The following ASIC2 variants were observed in gnomAD, a reference collection of about 807,000 sequenced individuals.
ASIC2 encodes acid sensing ion channel subunit 2.
A neutral mutation model predicts 57.3 loss-of-function variants in ASIC2; 25 were observed. The ratio of observed to expected loss-of-function variants is 0.44; its 90% CI spans 0.32 to 0.61. The LOEUF is 0.61. Among genes scored for constraint, ASIC2 ranks in the 20% least tolerant of loss-of-function variants. The pLI, the probability that ASIC2 is intolerant of heterozygous loss-of-function variation, is 0.06. For missense variants in ASIC2, 641 were observed against 738.1 expected (o/e 0.87, Z 1.52); for synonymous variants, 319 against 307.5 (o/e 1.04, Z -0.39).
At chr17:33,056,539 C>T (rs2091998756) in intron 3 of ASIC2, among the ~76,000 whole-genome samples, 1 of 152,132 alleles carries the variant, frequency 6.6e-6, no homozygotes, top group African/African-American at 2.4e-5. Context: ...CTTTTCCAAG[C>T]TCCTTATACC....
chr17:33,149,413 C>T (rs970289695), intron 1 of ASIC2, among the ~76,000 whole-genome samples: 3 of 152,072 alleles, frequency 2.0e-5, no homozygotes, highest in African/African-American at 7.2e-5. Flanking sequence ...AAACTATGTT[C>T]TTCTGTAGGT....
At chr17:33,833,905 A>C (rs952946873) in intron 1 of ASIC2, 3 of 152,138 alleles carry the variant, frequency 2.0e-5, no homozygotes. Context: ...AAATGATAAT[A>C]AAAAACAATT....
chr17:33,682,364 T>C (rs1908038022), intron 1 of ASIC2, among the ~76,000 whole-genome samples: 1 of 152,038 alleles, frequency 6.6e-6, no homozygotes, highest in Non-Finnish European at 1.5e-5. Context: ...CGTGCCCAGC[T>C]GGCATCTTTC....
intron 1 of ASIC2, among the ~76,000 whole-genome samples, chr17:33,628,560 T>C (rs1484922351): frequency 6.6e-6 from 1 of 152,104 alleles, no homozygotes; most frequent in African/African-American, 2.4e-5. Flanking sequence ...CCTCCCAAGG[T>C]ATGAGGGTTA....
At chr17:33,758,769 G>T (rs1384368917) in intron 1 of ASIC2, among the ~76,000 whole-genome samples, 2 of 152,126 alleles carry the variant, frequency 1.3e-5, no homozygotes, top group Admixed American at 6.5e-5. Flanking sequence ...TCTGCAAAGA[G>T]TTCCCAACAA....
At chr17:34,136,163 A>C (rs1327082837) in intron 1 of ASIC2, among the ~76,000 whole-genome samples, 1 of 152,192 alleles carries the variant, frequency 6.6e-6, no homozygotes, top group Non-Finnish European at 1.5e-5. Flanking sequence ...TCTTTGTAGC[A>C]ATAACATACT....
chr17:33,341,748 GTC>G lies in ASIC2; in HGVS notation c.556-229683_556-229682del. Among the ~76,000 whole-genome samples the G allele has an allele frequency of 2.0e-5, 3 of 152,326 alleles. No individual in the cohort carries two copies. In the South Asian group the frequency reaches 6.2e-4, roughly 32 times the overall value. The stretch of plus-strand genomic sequence containing the variant: ...AGCATATTTTGGACAATACTTGGAT[GTC>G]TCATTCTAAGTTGGGTTGTGGATAC... On this transcript the variant is annotated intron_variant, in intron 1 of 9. Transcript: ENST00000359872.
chr17:33,854,308 G>A (rs1321827314), intron 1 of ASIC2, among the ~76,000 whole-genome samples: 1 of 152,210 alleles, frequency 6.6e-6, no homozygotes. Flanking sequence ...CAGTATGCAT[G>A]GGTATTGGTC....
chr17:33,123,103 A>G (rs1191065011), intron 1 of ASIC2, among the ~76,000 whole-genome samples: 4 of 152,222 alleles, frequency 2.6e-5, no homozygotes, highest in African/African-American at 9.7e-5. Context: ...AAAACCAAAA[A>G]TAGAATTACC....
intron 1 of ASIC2, among the ~76,000 whole-genome samples, chr17:33,528,573 G>A (rs1914958337): frequency 6.6e-6 from 1 of 152,158 alleles, no homozygotes; most frequent in Non-Finnish European, 1.5e-5. Context: ...CTGGTGAAGG[G>A]GATTGGTTGG....
intron 1 of ASIC2, among the ~76,000 whole-genome samples, chr17:33,932,220 C>G (rs1269682502): frequency 6.6e-6 from 1 of 152,180 alleles, no homozygotes; most frequent in Non-Finnish European, 1.5e-5. Flanking sequence ...CTGTTCAATG[C>G]AGTATCCACT....
chr17:33,505,266 A>G (rs1358618294), intron 1 of ASIC2, among the ~76,000 whole-genome samples: 3 of 152,044 alleles, frequency 2.0e-5, no homozygotes, highest in African/African-American at 7.2e-5. Context: ...GGGAGAACAG[A>G]GGCAAGAGTC....
chr17:33,053,236 A>C (rs940445912), intron 3 of ASIC2, among the ~76,000 whole-genome samples: 5 of 152,212 alleles, frequency 3.3e-5, no homozygotes, highest in Non-Finnish European at 7.3e-5. Flanking sequence ...AGAAAATCCC[A>C]GGCGGCCGTC....
At chr17:33,018,979 C>A (rs568553460) in intron 7 of ASIC2, among the ~76,000 whole-genome samples, 14 of 152,298 alleles carry the variant, frequency 9.2e-5, no homozygotes, top group African/African-American at 3.4e-4. Flanking sequence ...GGGTGAACAA[C>A]AGAGATGGTG....
At chr17:33,329,541 A>T (rs1010673781) in intron 1 of ASIC2, among the ~76,000 whole-genome samples, 1 of 152,216 alleles carries the variant, frequency 6.6e-6, no homozygotes, top group African/African-American at 2.4e-5. Flanking sequence ...GCTAAGGTCA[A>T]GGTCATCACA....
At chr17:33,568,310 C>A (rs1597788455) in intron 1 of ASIC2, among the ~76,000 whole-genome samples, 1 of 152,196 alleles carries the variant, frequency 6.6e-6, no homozygotes. Context: ...TGATAATAAG[C>A]CCTTACCTTT....
rs1320424334 is a variant in ASIC2, at chr17:33,945,225, C to T, written c.555+210753G>A. On this transcript the variant is annotated intron_variant, in intron 1 of 9. Coordinates refer to the ASIC2 transcript ENST00000359872. ...CATCTTAGAAAGGGAGTTACAATGT[C>T]GATTTCACAGAATTGTCTGCCAGAG... Among the ~76,000 whole-genome samples, 5 of 152,160 alleles carry T rather than the reference C, an allele frequency of 3.3e-5. No homozygotes were observed. The East Asian group carries it at 5.8e-4, about 18-fold the overall frequency.
intron 1 of ASIC2, among the ~76,000 whole-genome samples, chr17:33,830,761 G>C (rs780403379): frequency 2.0e-5 from 3 of 151,886 alleles, no homozygotes; most frequent in South Asian, 4.2e-4. Context: ...TCCCCTCCCT[G>C]TGTCTATGTG....
chr17:33,940,883 C>G (rs1357563117), intron 1 of ASIC2, among the ~76,000 whole-genome samples: 1 of 152,200 alleles, frequency 6.6e-6, no homozygotes, highest in Non-Finnish European at 1.5e-5. Context: ...GTGGCCTGCT[C>G]CCTAGAAAAC....
Sources: gnomAD v4.1 joint callset for allele counts (sites outside exome capture counted in the v4.1 genomes callset) on GRCh38, gnomAD v4.1.1 for gene constraint, MANE v1.5 for transcripts, NCBI Gene and HGNC (gene_info 2026-07-23, HGNC 2026-07-21) for gene names.